The following PRKD1 variants were observed in gnomAD, a reference collection of about 807,000 sequenced individuals.
PRKD1 encodes the protein serine/threonine-protein kinase D1.
Under a neutral mutation model 95.9 loss-of-function variants are expected in PRKD1, and 63 were observed. The ratio of observed to expected loss-of-function variants is 0.66; its 90% CI spans 0.54 to 0.81. The LOEUF (loss-of-function observed/expected upper bound fraction) is 0.81. PRKD1 is among the 30% of genes least tolerant of loss of function. The probability of loss-of-function intolerance (pLI) is 0.00; values close to 1 mark genes in which losing one functional copy is unlikely to be tolerated. For missense variants in PRKD1, 1,048 were observed against 1,165.3 expected (o/e 0.90, Z 1.47); for synonymous variants, 425 against 423.1 (o/e 1.00, Z -0.05).
chr14:29,697,245 T>G (rs1884575139), intron 2 of PRKD1, among the ~76,000 whole-genome samples: 1 of 151,950 alleles, frequency 6.6e-6, no homozygotes, highest in South Asian at 2.1e-4. Context: ...ACTCTGACAA[T>G]GTAATTTAAA....
chr14:29,923,554 T>C (rs1895196623), intron 1 of PRKD1, among the ~76,000 whole-genome samples: 1 of 152,144 alleles, frequency 6.6e-6, no homozygotes, highest in South Asian at 2.1e-4. Context: ...AGCAAAGTAA[T>C]GCTACTTTCA....
chr14:29,771,945 C>A (rs1594503192), intron 1 of PRKD1, among the ~76,000 whole-genome samples: 1 of 152,254 alleles, frequency 6.6e-6, no homozygotes, highest in African/African-American at 2.4e-5. Context: ...GGAATATCTA[C>A]CCCGTGTCTG....
At chr14:29,697,362 G>A (rs1053509061) in intron 2 of PRKD1, among the ~76,000 whole-genome samples, 1 of 152,084 alleles carries the variant, frequency 6.6e-6, no homozygotes, top group Non-Finnish European at 1.5e-5. Context: ...GCAAATAACA[G>A]CATTAGCACA....
At chr14:29,876,720 C>A (rs7142900) in intron 1 of PRKD1, among the ~76,000 whole-genome samples, 28,774 of 146,502 alleles carry the variant, frequency 0.2, 6,025 homozygotes, top group African/African-American at 0.53. Flanking sequence ...AACAAACAAA[C>A]AAAAAAAAAC....
intron 4 of PRKD1, among the ~76,000 whole-genome samples, chr14:29,654,749 A>G (rs1189614997): frequency 1.3e-5 from 2 of 152,234 alleles, no homozygotes; most frequent in African/African-American, 4.8e-5. Flanking sequence ...CAGACATAAA[A>G]GTGTAAACTG....
chr14:29,879,670 G>A (rs1893433241), intron 1 of PRKD1, among the ~76,000 whole-genome samples: 2 of 152,170 alleles, frequency 1.3e-5, no homozygotes, highest in South Asian at 4.1e-4. Context: ...GGAGGGCTCA[G>A]AAGAAGACAG....
chr14:29,883,206 C>T (rs1438523845), intron 1 of PRKD1, among the ~76,000 whole-genome samples: 1 of 152,124 alleles, frequency 6.6e-6, no homozygotes, highest in Non-Finnish European at 1.5e-5. Context: ...GCAAGAACAG[C>T]ATCAAACCAT....
intron 1 of PRKD1, among the ~76,000 whole-genome samples, chr14:29,761,189 C>T (rs1887961950): frequency 6.6e-6 from 1 of 152,154 alleles, no homozygotes; most frequent in African/African-American, 2.4e-5. Context: ...GACATGCTTC[C>T]TTGCCCCCTT....
intron 1 of PRKD1, among the ~76,000 whole-genome samples, chr14:29,779,131 C>T (rs1282652367): frequency 1.3e-5 from 2 of 152,106 alleles, no homozygotes; most frequent in African/African-American, 2.4e-5. Flanking sequence ...ATTGATGAGA[C>T]GTATCTCAAA....
chr14:29,581,323 A>G (rs1319904894), intron 16 of PRKD1, among the ~76,000 whole-genome samples: 1 of 152,196 alleles, frequency 6.6e-6, no homozygotes, highest in African/African-American at 2.4e-5. Flanking sequence ...AATTTGAATT[A>G]TACGCAAATA....
Position 29,645,755 on chromosome 14 carries a change from T to C in PRKD1, c.697-6851A>G, listed in dbSNP as rs149092408. 2.6e-3 allele frequency among the ~76,000 whole-genome samples: 400 copies of C among 152,228 alleles called. 4 individuals carry two copies. Among genetic ancestry groups the C allele is most frequent in the Non-Finnish European group, 5.6e-4 (38 of 67,986 alleles). ...TATTATTGTTGACCTTTATATTTACTCTTTCCCTTTCTTCATAGATGGTTT... is the reference window on the plus strand; with the variant it reads ...TATTATTGTTGACCTTTATATTTACCCTTTCCCTTTCTTCATAGATGGTTT... On this transcript the variant is annotated intron_variant, in intron 4 of 17. Coordinates refer to ENST00000331968, the MANE Select transcript of PRKD1 (RefSeq NM_002742.3).
chr14:29,644,895 C>T (rs1479326263), intron 4 of PRKD1, among the ~76,000 whole-genome samples: 4 of 151,314 alleles, frequency 2.6e-5, no homozygotes, highest in African/African-American at 4.9e-5. Context: ...TTTTATACAA[C>T]TATTTATACA....
At chr14:29,826,734 CATATATATACACAT>C (rs1891164446) in intron 1 of PRKD1, among the ~76,000 whole-genome samples, 1 of 62,356 alleles carries the variant, frequency 1.6e-5, no homozygotes, top group African/African-American at 6.4e-5. Context: ...TATATATACA[CATATATATACACAT>C]ATATATATAC....
intron 1 of PRKD1, among the ~76,000 whole-genome samples, chr14:29,908,012 G>T (rs756875347): frequency 3.9e-5 from 6 of 151,988 alleles, no homozygotes; most frequent in Non-Finnish European, 5.9e-5. Flanking sequence ...TTTGTTCACC[G>T]TGAAACTGTT....
intron 1 of PRKD1, among the ~76,000 whole-genome samples, chr14:29,805,769 C>A (rs1344744734): frequency 5.3e-5 from 8 of 152,184 alleles, no homozygotes; most frequent in Non-Finnish European, 1.2e-4. Flanking sequence ...AGGCTGCCTC[C>A]AGAGCATGGG....
chr14:29,859,712 C>A (rs1029582088), intron 1 of PRKD1, among the ~76,000 whole-genome samples: 2 of 151,952 alleles, frequency 1.3e-5, no homozygotes, highest in Admixed American at 1.3e-4. Context: ...CTTTATAACT[C>A]TAATCTCATT....
intron 1 of PRKD1, among the ~76,000 whole-genome samples, chr14:29,833,296 G>A (rs146999126): frequency 2.0e-5 from 3 of 152,042 alleles, no homozygotes; most frequent in Admixed American, 6.5e-5. Flanking sequence ...GTAACCACAG[G>A]TAAATCAATT....
At chr14:29,734,286 C>T (rs77885516) in intron 1 of PRKD1, among the ~76,000 whole-genome samples, 1,721 of 152,104 alleles carry the variant, frequency 0.011, 34 homozygotes, top group East Asian at 0.076. Flanking sequence ...ATGATCCACC[C>T]GCCTTGGCCT....
chr14:29,797,167 C>CT (rs1021747563), intron 1 of PRKD1, among the ~76,000 whole-genome samples: 1 of 152,058 alleles, frequency 6.6e-6, no homozygotes, highest in African/African-American at 2.4e-5. Flanking sequence ...AAAAGCAAAC[C>CT]TTTTCTAAAT....
Sources: allele counts gnomAD v4.1 joint callset (sites outside exome capture counted in the v4.1 genomes callset), GRCh38; gene constraint gnomAD v4.1.1; transcripts MANE v1.5; gene names NCBI Gene and HGNC (gene_info 2026-07-23, HGNC 2026-07-21).